SIX4: variants seen among roughly 807,000 people sequenced by gnomAD.
The protein encoded by SIX4 is SIX homeobox 4.
In SIX4, 23 loss-of-function variants were observed where a neutral mutation model predicts 51.5. The ratio of observed to expected loss-of-function variants is 0.45; its 90% CI spans 0.32 to 0.63. The LOEUF (loss-of-function observed/expected upper bound fraction) is 0.63, where lower values mean the gene tolerates loss of function less well. SIX4 is among the 30% of genes least tolerant of loss of function. SIX4 has a pLI of 0.04. For synonymous variants in SIX4, 413 were observed against 417.3 expected, an observed-to-expected ratio of 0.99 and a Z score of 0.13; for missense variants, 867 against 984.0, an observed-to-expected ratio of 0.88 and a Z score of 1.59.
In SIX4 at chr14:60,709,545, T is replaced by A. The variant is rs545141797; in HGVS notation, c.*3862A>T. 6.5e-6 allele frequency: 1 copy of A among 152,756 alleles called. No individual in the cohort carries two copies. The highest frequency in any genetic ancestry group is 1.9e-4 in the East Asian group (1 of 5,186). The allele number at this position is 152,756 out of a possible 1,614,324, so 9.5% of individuals were successfully genotyped here. On this transcript the variant is annotated 3_prime_UTR_variant, in exon 3 of 3. Transcript: ENST00000216513. This position sits in a 1 kb window ranked among gnomAD's most constrained non-coding sequence, Gnocchi z 4.1. Reference sequence around the variant, plus strand: ...AATAATTTTCAATGCAAGGTATGTATAAATATAAAGTTTATTTAGCATAGT... The same window carrying A: ...AATAATTTTCAATGCAAGGTATGTAAAAATATAAAGTTTATTTAGCATAGT...
Position 60,720,570 on chromosome 14 carries a change from A to G in SIX4, c.864-125T>C, listed in dbSNP as rs761511019. ...CAGTATTTAAGGAAAGCACAGCAGGATATCTGCTAGTCCTATTTAAACTAA... is the reference window on the plus strand; with the variant it reads ...CAGTATTTAAGGAAAGCACAGCAGGGTATCTGCTAGTCCTATTTAAACTAA... On this transcript the variant is annotated intron_variant, in intron 1 of 2. Transcript: ENST00000216513. The surrounding 1 kb of genome is among the most constrained non-coding windows in gnomAD (Gnocchi z 5.5). The G allele has an allele frequency of 9.2e-5, 83 of 902,726 alleles. No individual in the cohort carries two copies. Among genetic ancestry groups the G allele is most frequent in the Non-Finnish European group, 1.3e-4 (79 of 602,804 alleles). 55.9% of individuals were successfully genotyped at this position (902,726 alleles called of 1,614,324 possible).
At chr14:60,718,804 G>A (rs559383959) in intron 2 of SIX4, among the ~76,000 whole-genome samples, 52 of 152,138 alleles carry the variant, frequency 3.4e-4, no homozygotes, top group Non-Finnish European at 5.9e-4. Flanking sequence ...AGAGAGTTGT[G>A]CATAAATTGA....
chr14:60,724,345 A>T lies in SIX4; in HGVS notation c.-271T>A. The T allele has an allele frequency of 2.1e-6, 3 of 1,426,282 alleles. No individual in the cohort carries two copies. Among genetic ancestry groups the T allele is most frequent in the Non-Finnish European group, 2.8e-6 (3 of 1,075,188 alleles). 88.4% of individuals were successfully genotyped at this position (1,426,282 alleles called of 1,614,324 possible). On this transcript the variant is annotated 5_prime_UTR_variant, in exon 1 of 3. Transcript: ENST00000216513. The stretch of plus-strand genomic sequence containing the variant: ...GTGACTCCTCCGGTTGCTGCATACT[A>T]TATGGCAGTGGCGGCCGGGCCGGCC...
At chr14:60,718,153 T>C (rs1895953678) in intron 2 of SIX4, 1 of 155,300 alleles carries the variant, frequency 6.4e-6, no homozygotes. Flanking sequence ...AAAGAATGGC[T>C]CAGTATCTGT....
Position 60,723,811 on chromosome 14 carries a change from C to T in SIX4, c.264G>A (p.Ser88=). 1 of 1,538,568 alleles carries T rather than the reference C, an allele frequency of 6.5e-7. No individual in the cohort carries two copies. Among genetic ancestry groups the T allele is most frequent in the African/African-American group, 1.4e-5 (1 of 73,126 alleles). ...GAAADQVQLH[S]ELLGRHHHAA... is the part of the protein sequence containing the mutation. ...CGTGGTGGTGCCTGCCCAGAAGTTCCGAGTGGAGTTGTACCTGATCCGCCG... is the reference window on the plus strand; with the variant it reads ...CGTGGTGGTGCCTGCCCAGAAGTTCTGAGTGGAGTTGTACCTGATCCGCCG... Residue 88 remains serine (S), a synonymous_variant, in exon 1 of 3, where the codon TCG becomes TCA. Transcript: ENST00000216513.
In SIX4 at chr14:60,723,355, C is replaced by G; in HGVS notation, c.720G>C (p.Glu240Asp). Residue 240 changes from glutamate (E) to aspartate (D), a missense_variant, in exon 1 of 3, where the codon GAG (glutamate) becomes GAC (aspartate). Transcript: ENST00000216513. ...AAGGGTAGCGATTCTGCTTGTAGAG[C>G]TCCTTGAGCGCGTTGCGCGACTTCT... ...FKEKSRNALK[E>D]LYKQNRYPSP... The G allele has an allele frequency of 1.9e-6, 3 of 1,612,394 alleles. No individual in the cohort carries two copies. Among genetic ancestry groups the G allele is most frequent in the Non-Finnish European group, 2.5e-6 (3 of 1,179,978 alleles).
rs1403371103 is a variant in SIX4, at chr14:60,724,064, G to A, written c.11C>T (p.Ser4Phe). 3.2e-6 allele frequency: 5 copies of A among 1,547,476 alleles called. No individual in the cohort carries two copies. Among genetic ancestry groups the A allele is most frequent in the South Asian group, 2.5e-5 (2 of 80,560 alleles). MSSSSPTGQIASAA... is the reference protein window; with the variant it reads MSSFSPTGQIASAA... ...ACTTGCGATCTGCCCGGTGGGGGAGGAAGAGGACATTTTTTGTTGTTTATT... is the reference window on the plus strand; with the variant it reads ...ACTTGCGATCTGCCCGGTGGGGGAGAAAGAGGACATTTTTTGTTGTTTATT... Residue 4 changes from serine (S) to phenylalanine (F), a missense_variant, in exon 1 of 3, where the codon TCC (serine) becomes TTC (phenylalanine). Physicochemically the swap from Ser to Phe is radical, Grantham distance 155. Coordinates refer to ENST00000216513, the MANE Select transcript of SIX4 (RefSeq NM_017420.5).
intron 2 of SIX4, among the ~76,000 whole-genome samples, chr14:60,716,484 C>A (rs1179015203): frequency 1.3e-5 from 2 of 152,042 alleles, no homozygotes; most frequent in African/African-American, 4.8e-5. Flanking sequence ...AACTCTTGAC[C>A]TTGTGATCCA....
chr14:60,715,875 ACT>A (rs1227060617), intron 2 of SIX4, among the ~76,000 whole-genome samples: 1 of 146,750 alleles, frequency 6.8e-6, no homozygotes, highest in East Asian at 2.0e-4. Flanking sequence ...TGTTCAGTCA[ACT>A]CTTTTTTTTT....
intron 2 of SIX4, among the ~76,000 whole-genome samples, chr14:60,714,735 G>A (rs1895889884): frequency 6.6e-6 from 1 of 150,642 alleles, no homozygotes; most frequent in Middle Eastern, 3.5e-3. Context: ...GAGCGATCTC[G>A]GCTCATTGCA....
At position 60,723,992 on chromosome 14, in the gene SIX4, C is replaced by T. The variant is rs777517525; in HGVS notation, c.83G>A (p.Gly28Glu). Reference protein sequence around the residue: ...QENGMESASEGQEAHREVAGG... With the variant: ...QENGMESASEEQEAHREVAGG... Reference sequence around the variant, plus strand: ...CGCCACTTCTCGGTGCGCCTCCTGCCCTTCCGAGGCGCTTTCCATCCCATT... The same window carrying T: ...CGCCACTTCTCGGTGCGCCTCCTGCTCTTCCGAGGCGCTTTCCATCCCATT... Residue 28 changes from glycine to glutamate, a missense_variant, in exon 1 of 3, where the codon GGG becomes GAG. Physicochemically the swap from Gly to Glu is moderately conservative, Grantham distance 98. Transcript: ENST00000216513. 1.3e-6 allele frequency: 2 copies of T among 1,517,962 alleles called. No homozygotes were observed. The highest frequency in any genetic ancestry group is 1.4e-5 in the African/African-American group (1 of 71,340). 94.0% of individuals were successfully genotyped at this position (1,517,962 alleles called of 1,614,324 possible).
rs1895795739 is a variant in SIX4 at position 60,710,102 on chromosome 14, T to A, written c.*3305A>T. Reference sequence around the variant, plus strand: ...TGATCTGTCAAAACATTTTAAAGAATGAAGAACTTGTGGCTATGTACTAAA... The same window carrying A: ...TGATCTGTCAAAACATTTTAAAGAAAGAAGAACTTGTGGCTATGTACTAAA... On this transcript the variant is annotated 3_prime_UTR_variant, in exon 3 of 3. Transcript: ENST00000216513. The A allele has an allele frequency of 2.0e-5, 3 of 152,630 alleles. No homozygotes were observed. Among genetic ancestry groups the A allele is most frequent in the Non-Finnish European group, 4.4e-5 (3 of 68,024 alleles). The allele number at this position is 152,630 out of a possible 1,614,324, so 9.5% of individuals were successfully genotyped here.
chr14:60,718,528 A>G (rs902085120), intron 2 of SIX4, among the ~76,000 whole-genome samples: 3 of 152,188 alleles, frequency 2.0e-5, no homozygotes, highest in African/African-American at 7.2e-5. Flanking sequence ...TTTCCAAATG[A>G]GAGAAAAGGG....
intron 2 of SIX4, among the ~76,000 whole-genome samples, chr14:60,714,467 T>A (rs1466924886): frequency 6.6e-6 from 1 of 152,144 alleles, no homozygotes; most frequent in African/African-American, 2.4e-5. Flanking sequence ...ATATTTTGTA[T>A]GGAGACATCT....
In SIX4 at chr14:60,720,191, G is replaced by C. The variant is rs377168936; in HGVS notation, c.1118C>G (p.Pro373Arg). Residue 373 changes from proline to arginine, a missense_variant, in exon 2 of 3, where the codon CCC (proline) becomes CGC (arginine). Physicochemically the swap from Pro to Arg is moderately radical, Grantham distance 103. Coordinates refer to ENST00000216513, the MANE Select transcript of SIX4 (RefSeq NM_017420.5). The surrounding 1 kb of genome is among the most constrained non-coding windows in gnomAD (Gnocchi z 5.5). ...FLNGNSFIQG[P>R]SGVILNGLNV... ...TAATCCATTAAGGATAACTCCACTGGGTCCCTGAATAAAAGAATTTCCATT... is the reference window on the plus strand; with the variant it reads ...TAATCCATTAAGGATAACTCCACTGCGTCCCTGAATAAAAGAATTTCCATT... 6.2e-7 allele frequency: 1 copy of C among 1,614,008 alleles called. No individual in the cohort carries two copies. Among genetic ancestry groups the C allele is most frequent in the Non-Finnish European group, 8.5e-7 (1 of 1,180,046 alleles).
In SIX4 at chr14:60,713,552, GTTGC is replaced by G; in HGVS notation, c.2197_2200del (p.Ala733GlnfsTer4). 1 of 1,614,162 alleles carries G rather than the reference GTTGC, an allele frequency of 6.2e-7. No individual in the cohort carries two copies. The highest frequency in any genetic ancestry group is 8.5e-7 in the Non-Finnish European group (1 of 1,180,044). On this transcript the variant is annotated frameshift_variant, in exon 3 of 3. Transcript: ENST00000216513. LOFTEE classifies it high-confidence loss of function. Reference sequence around the variant, plus strand: ...AGAGTCCAGCATCATTAAGCTACTTGTTGCTTTGCTCTCAGAATTTGATAAGAAA... The same window carrying G: ...AGAGTCCAGCATCATTAAGCTACTTGTTTGCTCTCAGAATTTGATAAGAAA...
At position 60,724,173 on chromosome 14, in the gene SIX4, C is replaced by T. The variant is rs2140274076; in HGVS notation, c.-99G>A. On this transcript the variant is annotated 5_prime_UTR_variant, in exon 1 of 3. Transcript: ENST00000216513. The stretch of plus-strand genomic sequence containing the variant: ...CTCCTCCTTCGTCTCCCTCCCTCCT[C>T]TCCCCCTCCGGAAAGCCCACTCCCT... 1 of 1,593,922 alleles carries T rather than the reference C, an allele frequency of 6.3e-7. No homozygotes were observed. Among genetic ancestry groups the T allele is most frequent in the African/African-American group, 1.3e-5 (1 of 74,790 alleles).
Position 60,717,952 on chromosome 14 carries a change from C to A in SIX4, c.1549+1808G>T. ...ACTTGAACACGGGAGGCAGAGGCTG[C>A]AGTGAGCCGAGATCGCGCCACTGTA... On this transcript the variant is annotated intron_variant, in intron 2 of 2. Transcript: ENST00000216513. The surrounding 1 kb of genome is among the most constrained non-coding windows in gnomAD (Gnocchi z 4.6). 1 of 210,142 alleles carries A rather than the reference C, an allele frequency of 4.8e-6. No individual in the cohort carries two copies. The allele number at this position is 210,142 out of a possible 1,614,324, so 13.0% of individuals were successfully genotyped here.
intron 2 of SIX4, among the ~76,000 whole-genome samples, chr14:60,714,517 A>G (rs1451657702): frequency 6.6e-6 from 1 of 152,142 alleles, no homozygotes; most frequent in African/African-American, 2.4e-5. Flanking sequence ...CAAAAAAACT[A>G]CTTGCGTTCC....
Sources: allele counts gnomAD v4.1 joint callset (sites outside exome capture counted in the v4.1 genomes callset), GRCh38; gene constraint gnomAD v4.1.1; non-coding constraint Gnocchi (gnomAD v3.1); transcripts MANE v1.5; gene names NCBI Gene and HGNC (gene_info 2026-07-23, HGNC 2026-07-21).